The following COL13A1 variants were observed in gnomAD, a reference collection of about 807,000 sequenced individuals.
COL13A1 encodes the protein collagen alpha-1(XIII) chain.
Under a neutral mutation model 130.9 loss-of-function variants are expected in COL13A1, and 89 were observed. The ratio of observed to expected loss-of-function variants is 0.68; its 90% CI spans 0.57 to 0.81. The LOEUF is 0.81. COL13A1 is among the 30% of genes least tolerant of loss of function. The pLI, the probability that COL13A1 is intolerant of heterozygous loss-of-function variation, is 0.00. For synonymous variants in COL13A1, 402 were observed against 341.6 expected, an observed-to-expected ratio of 1.18 and a Z score of -1.95; for missense variants, 879 against 934.6, an observed-to-expected ratio of 0.94 and a Z score of 0.78.
At chr10:69,855,879 A>G (rs1375803416) in intron 2 of COL13A1, among the ~76,000 whole-genome samples, 1 of 148,392 alleles carries the variant, frequency 6.7e-6, no homozygotes, top group Non-Finnish European at 1.5e-5. Context: ...TACAAGTTCA[A>G]TGTCCAAACA....
At chr10:69,946,537 A>C (rs772882708) in intron 37 of COL13A1, among the ~76,000 whole-genome samples, 3 of 152,234 alleles carry the variant, frequency 2.0e-5, no homozygotes, top group Non-Finnish European at 4.4e-5. Flanking sequence ...AGGTACGCAC[A>C]TCTGGGCCAG....
rs1006974483 is a variant in COL13A1, at chr10:69,902,614, C to T, written c.751-134C>T. ...CACAGCATCATCACCATCATGCCAC[C>T]GCTTCCTCCCCCCATCACCACTCCT... On this transcript the variant is annotated intron_variant, in intron 14 of 40. Transcript: ENST00000645393. 73 of 636,202 alleles carry T rather than the reference C, an allele frequency of 1.1e-4. No individual in the cohort carries two copies. The African/African-American group carries it at 1.2e-3, about 10-fold the overall frequency. 39.4% of individuals were successfully genotyped at this position (636,202 alleles called of 1,614,324 possible).
chr10:69,920,952 T>C (rs2064584582), intron 21 of COL13A1, among the ~76,000 whole-genome samples: 1 of 152,176 alleles, frequency 6.6e-6, no homozygotes, highest in African/African-American at 2.4e-5. Flanking sequence ...TAAGGGGCTC[T>C]TTGATTCATG....
chr10:69,894,420 G>A, intron 10 of COL13A1, 132 bp from the exon 11 acceptor site: 1 of 988,686 alleles, frequency 1.0e-6, no homozygotes, highest in South Asian at 1.5e-5. Flanking sequence ...GAATGTGGTG[G>A]GCATGGGAAG....
rs181369105 is a variant in COL13A1, at chr10:69,949,332, G to A, written c.2058+1990G>A. Among the ~76,000 whole-genome samples, 307 of 152,212 alleles carry A rather than the reference G, an allele frequency of 2.0e-3. 4 individuals are homozygous for A. Among genetic ancestry groups the A allele is most frequent in the Admixed American group, 0.014 (218 of 15,282 alleles). On this transcript the variant is annotated intron_variant, in intron 38 of 40. Coordinates refer to ENST00000645393, the MANE Select transcript of COL13A1 (RefSeq NM_001368882.1). ...TGAGTAGTTGGAACTACAGGCATGC[G>A]CCACCACGCCCGGCTAATTTTTTGT...
At chr10:69,936,856 G>T in intron 33 of COL13A1, 74 bp downstream of exon 33, 1 of 1,589,758 alleles carries the variant, frequency 6.3e-7, no homozygotes, top group East Asian at 2.2e-5. Context: ...GAGACCAGCT[G>T]ACCCTTTTTC....
intron 31 of COL13A1, among the ~76,000 whole-genome samples, chr10:69,933,161 A>C (rs931517584): frequency 6.7e-5 from 10 of 149,384 alleles, no homozygotes; most frequent in South Asian, 2.1e-4. Context: ...AAAAAAAAAA[A>C]AAAAAACAGA....
rs764314962 is a variant in COL13A1, at chr10:69,872,218, A to G, written c.399+8A>G. The G allele has an allele frequency of 3.1e-6, 5 of 1,614,010 alleles. No individual in the cohort carries two copies. In the Admixed American group the frequency reaches 8.3e-5, roughly 27 times the overall value. ...GGAAGACCCGGACTCCCAGTAAGTCACTTTTGTTTCTTCTTTCCTTTGCAT... is the reference window on the plus strand; with the variant it reads ...GGAAGACCCGGACTCCCAGTAAGTCGCTTTTGTTTCTTCTTTCCTTTGCAT... On this transcript the variant is annotated splice_region_variant and intron_variant, in intron 4 of 40. Coordinates refer to ENST00000645393, the MANE Select transcript of COL13A1 (RefSeq NM_001368882.1).
intron 1 of COL13A1, among the ~76,000 whole-genome samples, chr10:69,804,712 G>T (rs796390047): frequency 2.8e-4 from 41 of 147,224 alleles, no homozygotes; most frequent in African/African-American, 1.0e-3. Flanking sequence ...AGAGCCTGCT[G>T]CGGGTCAGGC....
intron 39 of COL13A1, chr10:69,956,144 C>A (rs2070635987): frequency 6.6e-6 from 1 of 152,302 alleles, no homozygotes; most frequent in African/African-American, 2.4e-5. Flanking sequence ...GAGAACCAGA[C>A]CTTTGCCCTT....
At chr10:69,857,853 C>T (rs960797784) in intron 2 of COL13A1, among the ~76,000 whole-genome samples, 2 of 152,128 alleles carry the variant, frequency 1.3e-5, no homozygotes, top group South Asian at 2.1e-4. Flanking sequence ...CGCGGTGGCT[C>T]GTGCCTGTAA....
At chr10:69,817,539 C>G (rs1415728266) in intron 1 of COL13A1, among the ~76,000 whole-genome samples, 1 of 151,932 alleles carries the variant, frequency 6.6e-6, no homozygotes, top group African/African-American at 2.4e-5. Context: ...AGATCTGGAT[C>G]ATGAATTTAA....
intron 17 of COL13A1, among the ~76,000 whole-genome samples, chr10:69,907,442 C>G (rs2062876067): frequency 6.6e-6 from 1 of 152,184 alleles, no homozygotes; most frequent in Admixed American, 6.5e-5. Flanking sequence ...CTTCTTGTGT[C>G]ATCCCATGGT....
At chr10:69,806,548 C>T (rs540734153) in intron 1 of COL13A1, among the ~76,000 whole-genome samples, 52 of 152,320 alleles carry the variant, frequency 3.4e-4, no homozygotes, top group African/African-American at 1.1e-3. Flanking sequence ...CCCCCATCAG[C>T]GCCTCTCTCC....
At chr10:69,891,286 C>T (rs537282088) in intron 10 of COL13A1, among the ~76,000 whole-genome samples, 13 of 152,308 alleles carry the variant, frequency 8.5e-5, no homozygotes, top group South Asian at 2.1e-4. Flanking sequence ...AGGTCGGAGA[C>T]GGCTTTTCTG....
chr10:69,838,288 G>A (rs1445556271), intron 2 of COL13A1, among the ~76,000 whole-genome samples: 1 of 151,396 alleles, frequency 6.6e-6, no homozygotes, highest in Non-Finnish European at 1.5e-5. Flanking sequence ...GGTTCTTCTA[G>A]GGTCACCCAG....
At chr10:69,813,475 G>C (rs534695112) in intron 1 of COL13A1, among the ~76,000 whole-genome samples, 6 of 152,310 alleles carry the variant, frequency 3.9e-5, no homozygotes, top group Admixed American at 2.6e-4. Flanking sequence ...GTTCTGGTGA[G>C]ACAGGGAGGC....
intron 15 of COL13A1, 46 bp downstream of exon 15, chr10:69,902,901 C>T: frequency 7.1e-7 from 1 of 1,408,438 alleles, no homozygotes. Flanking sequence ...CCCAAGAACT[C>T]TCTGGAAACC....
intron 1 of COL13A1, among the ~76,000 whole-genome samples, chr10:69,821,747 C>T (rs796411001): frequency 7.2e-5 from 11 of 152,310 alleles, no homozygotes; most frequent in African/African-American, 1.9e-4. Context: ...ATGGTCATTA[C>T]GCTTGCTCTT....
Sources: allele counts gnomAD v4.1 joint callset (sites outside exome capture counted in the v4.1 genomes callset), GRCh38; gene constraint gnomAD v4.1.1; transcripts MANE v1.5; gene names NCBI Gene and HGNC (gene_info 2026-07-23, HGNC 2026-07-21).